Variants in RIMS2 observed in about 807,000 individuals in gnomAD.
The protein encoded by RIMS2 is regulating synaptic membrane exocytosis 2.
Under a neutral mutation model 174.4 loss-of-function variants are expected in RIMS2, and 59 were observed. The ratio of observed to expected loss-of-function variants is 0.34; its 90% CI spans 0.27 to 0.42. The LOEUF (loss-of-function observed/expected upper bound fraction) is 0.42. RIMS2 is among the 10% of genes least tolerant of loss of function. The probability of loss-of-function intolerance (pLI) is 1.00; values close to 1 mark genes in which losing one functional copy is unlikely to be tolerated. For missense variants in RIMS2, 1,620 were observed against 1,666.3 expected (o/e 0.97, Z 0.48); for synonymous variants, 606 against 572.5 (o/e 1.06, Z -0.84).
intron 2 of RIMS2, among the ~76,000 whole-genome samples, chr8:103,765,124 G>A (rs968695009): frequency 2.0e-5 from 3 of 152,124 alleles, no homozygotes; most frequent in Admixed American, 1.3e-4. Context: ...AAAATGTTTA[G>A]CAACCTGGAG....
In RIMS2 at chr8:103,874,219, G is replaced by A. The variant is rs116335019; in HGVS notation, c.699-11079G>A. 5.0e-3 allele frequency among the ~76,000 whole-genome samples: 758 copies of A among 152,146 alleles called. 6 individuals are homozygous for A. The highest frequency in any genetic ancestry group is 0.017 in the African/African-American group (724 of 41,540). On this transcript the variant is annotated intron_variant, in intron 3 of 23. Coordinates refer to ENST00000504942, the Ensembl canonical transcript of RIMS2. ...CATGAAACAATAAATCTATGTCTCA[G>A]TGCTGTCAGACCAATGTCCTTAAGA...
At chr8:103,502,340 T>C (rs1190048746) in intron 1 of RIMS2, among the ~76,000 whole-genome samples, 1 of 152,190 alleles carries the variant, frequency 6.6e-6, no homozygotes, top group Non-Finnish European at 1.5e-5. Context: ...TAATGAAAAA[T>C]ACCACTTTAA....
At chr8:104,056,580 T>A (rs1318777349) in intron 19 of RIMS2, among the ~76,000 whole-genome samples, 1 of 152,178 alleles carries the variant, frequency 6.6e-6, no homozygotes, top group East Asian at 1.9e-4. Flanking sequence ...CAACCAGTGC[T>A]GTTTTTTAAG....
intron 19 of RIMS2, among the ~76,000 whole-genome samples, chr8:104,191,505 T>G (rs1377017266): frequency 1.3e-5 from 2 of 152,078 alleles, no homozygotes; most frequent in Non-Finnish European, 2.9e-5. Context: ...CAATTGAGCT[T>G]AAGACCAAAA....
At chr8:104,145,253 T>G (rs529233619) in intron 19 of RIMS2, among the ~76,000 whole-genome samples, 94 of 152,162 alleles carry the variant, frequency 6.2e-4, no homozygotes, top group African/African-American at 2.2e-3. Flanking sequence ...GTAGGCTTGT[T>G]TTTTTTTAAA....
chr8:103,522,673 G>A (rs1832278438), intron 1 of RIMS2, among the ~76,000 whole-genome samples: 1 of 152,038 alleles, frequency 6.6e-6, no homozygotes, highest in Non-Finnish European at 1.5e-5. Context: ...TCAGTCCCTA[G>A]TGCATTAGAA....
At chr8:104,060,357 T>C (rs2096960199) in intron 19 of RIMS2, among the ~76,000 whole-genome samples, 1 of 151,388 alleles carries the variant, frequency 6.6e-6, no homozygotes, top group African/African-American at 2.4e-5. Flanking sequence ...TTTATTTGCA[T>C]AGAGTTGTTT....
At chr8:104,050,845 A>G (rs35187455) in intron 19 of RIMS2, among the ~76,000 whole-genome samples, 38,516 of 152,108 alleles carry the variant, frequency 0.25, 5,289 homozygotes, top group African/African-American at 0.35. Flanking sequence ...CTTAATATTC[A>G]TTAGAACATA....
rs117691792 is a variant in RIMS2, at chr8:104,170,944, G to A, written c.3335-73972G>A. 8.2e-4 allele frequency among the ~76,000 whole-genome samples: 125 copies of A among 152,202 alleles called. 1 individual carries two copies. The East Asian group carries it at 0.024, about 29-fold the overall frequency. On this transcript the variant is annotated intron_variant, in intron 19 of 23. Coordinates refer to ENST00000504942, the Ensembl canonical transcript of RIMS2. ...TTTGCTGGATAGAAAATTTTTGGCT[G>A]ACAGTTATTTTGTTTAAGGAGGCCA...
downstream of RIMS2, chr8:104,255,712 C>T (rs1338475230): frequency 6.6e-6 from 1 of 152,228 alleles, no homozygotes; most frequent in African/African-American, 2.4e-5. Flanking sequence ...AAATCATGTG[C>T]TCAATGTGTT....
chr8:103,863,861 T>C (rs2099070987), intron 3 of RIMS2, among the ~76,000 whole-genome samples: 1 of 151,538 alleles, frequency 6.6e-6, no homozygotes, highest in Non-Finnish European at 1.5e-5. Flanking sequence ...AGTGTATCAA[T>C]TTTTTTCATA....
rs992850328 is a variant in RIMS2, at chr8:103,652,612, T to C, written c.177-44474T>C. On this transcript the variant is annotated intron_variant, in intron 1 of 23. Transcript: ENST00000504942. ...TTGGTTATTCAGTCACATTATTTGCTTATTTAAACAGGTGGTTTCCCTTTA... is the reference window on the plus strand; with the variant it reads ...TTGGTTATTCAGTCACATTATTTGCCTATTTAAACAGGTGGTTTCCCTTTA... 1 of 1,319,672 alleles carries C rather than the reference T, an allele frequency of 7.6e-7. No homozygotes were observed. Among genetic ancestry groups the C allele is most frequent in the Non-Finnish European group, 1.0e-6 (1 of 994,786 alleles). The allele number at this position is 1,319,672 out of a possible 1,614,324, so 81.7% of individuals were successfully genotyped here.
rs1310046561 is a variant in RIMS2 at position 103,515,216 on chromosome 8, A to AT, written c.176+14159dup. Among the ~76,000 whole-genome samples the AT allele has an allele frequency of 4.6e-5, 7 of 152,214 alleles. No homozygotes were observed. The East Asian group carries it at 9.6e-4, about 21-fold the overall frequency. ...CATATATAATGCTCTGCTCATCTTA[A>AT]TTTTTCTTTAGGACTCATATTGTAA... On this transcript the variant is annotated intron_variant, in intron 1 of 23. Coordinates refer to ENST00000504942, the Ensembl canonical transcript of RIMS2.
intron 1 of RIMS2, among the ~76,000 whole-genome samples, chr8:103,653,828 C>T (rs1192152800): frequency 6.6e-6 from 1 of 152,054 alleles, no homozygotes; most frequent in Non-Finnish European, 1.5e-5. Flanking sequence ...TGGAACTTCT[C>T]CTGTACTTAA....
intron 1 of RIMS2, among the ~76,000 whole-genome samples, chr8:103,587,232 A>G (rs954970605): frequency 6.6e-6 from 1 of 152,056 alleles, no homozygotes; most frequent in Non-Finnish European, 1.5e-5. Context: ...CAGTAAAGAA[A>G]GGTCTGTGAA....
At chr8:103,714,526 G>A (rs970939720) in intron 2 of RIMS2, among the ~76,000 whole-genome samples, 2 of 152,072 alleles carry the variant, frequency 1.3e-5, no homozygotes, top group African/African-American at 4.8e-5. Flanking sequence ...TGATACAGAG[G>A]GAGGGATCAG....
At chr8:103,697,556 A>AC (rs1456435093) in intron 2 of RIMS2, among the ~76,000 whole-genome samples, 3 of 151,054 alleles carry the variant, frequency 2.0e-5, no homozygotes, top group South Asian at 2.1e-4. Context: ...GAAAAAAAAA[A>AC]AAACAAAAAA....
Position 104,040,822 on chromosome 8 carries a change from A to G in RIMS2, c.3334+26207A>G, listed in dbSNP as rs112335788. The stretch of plus-strand genomic sequence containing the variant: ...GACCATTCTTTGTTTTTGTGTGCAC[A>G]CTGGTTTACTGGGGAAACATAAAAG... On this transcript the variant is annotated intron_variant, in intron 19 of 23. Transcript: ENST00000504942. 7.2e-3 allele frequency among the ~76,000 whole-genome samples: 1,093 copies of G among 151,786 alleles called. 19 individuals carry two copies. Among genetic ancestry groups the G allele is most frequent in the Non-Finnish European group, 7.2e-3 (487 of 67,640 alleles).
At chr8:104,244,850 T>C (rs1461033116) in intron 19 of RIMS2, 66 bp from the exon 26 acceptor site, 1 of 1,322,038 alleles carries the variant, frequency 7.6e-7, no homozygotes, top group Non-Finnish European at 1.1e-6. Flanking sequence ...TCTCAGAGCC[T>C]TCGCTGATAT....
Sources: gnomAD v4.1 joint callset for allele counts (sites outside exome capture counted in the v4.1 genomes callset) on GRCh38, gnomAD v4.1.1 for gene constraint, MANE v1.5 for transcripts, NCBI Gene and HGNC (gene_info 2026-07-23, HGNC 2026-07-21) for gene names.